Variants in PTPRN2 observed in about 807,000 individuals in gnomAD.
PTPRN2 encodes the protein protein tyrosine phosphatase receptor type N2.
PTPRN2 carries 74 observed loss-of-function variants against 118.8 expected under a neutral mutation model. The observed-to-expected ratio is 0.62, with a 90% CI of 0.52 to 0.76. The LOEUF (loss-of-function observed/expected upper bound fraction) is 0.76, where lower values mean the gene tolerates loss of function less well. PTPRN2 is among the 30% of genes least tolerant of loss of function. The pLI is 0.00. For missense variants in PTPRN2, 1,481 were observed against 1,394.4 expected, an observed-to-expected ratio of 1.06 and a Z score of -0.99; for synonymous variants, 641 against 608.0, an observed-to-expected ratio of 1.05 and a Z score of -0.80.
chr7:158,423,274 G>A (rs1815411992), intron 2 of PTPRN2, among the ~76,000 whole-genome samples: 1 of 152,242 alleles, frequency 6.6e-6, no homozygotes, highest in Admixed American at 6.5e-5. Context: ...GGCCAGACCT[G>A]AGCAGCACGG....
At chr7:158,337,323 C>A (rs1295101767) in intron 2 of PTPRN2, among the ~76,000 whole-genome samples, 1 of 149,676 alleles carries the variant, frequency 6.7e-6, no homozygotes, top group South Asian at 2.1e-4. Context: ...TCATTCACAC[C>A]CACACTGTCA....
intron 12 of PTPRN2, among the ~76,000 whole-genome samples, chr7:157,730,994 A>G (rs1799866147): frequency 6.6e-6 from 1 of 151,988 alleles, no homozygotes; most frequent in African/African-American, 2.4e-5. Flanking sequence ...TCCTGCTCTG[A>G]AGAGAAAATG....
In PTPRN2 at chr7:157,615,767, C is replaced by G. The variant is rs1202732190; in HGVS notation, c.2344+5595G>C. The stretch of plus-strand genomic sequence containing the variant: ...CTGGAGGCTGAACGAGAATCGGTTA[C>G]AGGAGATGAACACAAGGCTCGATTC... On this transcript the variant is annotated intron_variant, in intron 15 of 22. Coordinates refer to ENST00000389418, the MANE Select transcript of PTPRN2 (RefSeq NM_002847.5). The surrounding 1 kb of genome is among the most constrained non-coding windows in gnomAD (Gnocchi z 4.3). The G allele has an allele frequency of 1.3e-5, 5 of 379,254 alleles. No individual in the cohort carries two copies. In the East Asian group the frequency reaches 2.9e-4, roughly 22 times the overall value. 23.5% of individuals were successfully genotyped at this position (379,254 alleles called of 1,614,324 possible). A position where few individuals can be genotyped will look rare whatever the true frequency, so the allele number is the denominator to read the frequency against.
intron 7 of PTPRN2, 127 bp downstream of exon 7, chr7:158,138,167 T>C: frequency 1.2e-6 from 1 of 809,794 alleles, no homozygotes; most frequent in South Asian, 1.8e-5. Flanking sequence ...AAATCATTAA[T>C]ACAGATCCCC....
At chr7:158,049,575 C>T (rs1809169845) in intron 11 of PTPRN2, among the ~76,000 whole-genome samples, 1 of 152,174 alleles carries the variant, frequency 6.6e-6, no homozygotes, top group African/African-American at 2.4e-5. Flanking sequence ...ATGGCACCAG[C>T]CTCACAGCTG....
intron 9 of PTPRN2, among the ~76,000 whole-genome samples, chr7:158,119,117 A>G (rs908517490): frequency 1.3e-5 from 2 of 152,226 alleles, no homozygotes; most frequent in African/African-American, 4.8e-5. Context: ...TTACATCACT[A>G]TTTAAGAAAC....
At chr7:158,063,234 G>C (rs13311178) in intron 11 of PTPRN2, among the ~76,000 whole-genome samples, 2 of 151,966 alleles carry the variant, frequency 1.3e-5, no homozygotes, top group Admixed American at 1.3e-4. Context: ...GTCTAGCTAA[G>C]GGACTGTAAA....
chr7:157,814,809 T>A (rs1806289108), intron 12 of PTPRN2, among the ~76,000 whole-genome samples: 1 of 152,210 alleles, frequency 6.6e-6, no homozygotes, highest in South Asian at 2.1e-4. Context: ...TTGAATTGGC[T>A]TCTTGTCACA....
intron 2 of PTPRN2, among the ~76,000 whole-genome samples, chr7:158,366,491 A>C (rs1189460417): frequency 6.6e-6 from 1 of 152,232 alleles, no homozygotes; most frequent in Non-Finnish European, 1.5e-5. Context: ...GCTGCAGCAC[A>C]TGTGTAAGCT....
At chr7:158,558,531 A>T (rs1425861516) in intron 1 of PTPRN2, among the ~76,000 whole-genome samples, 2 of 152,134 alleles carry the variant, frequency 1.3e-5, no homozygotes, top group Non-Finnish European at 2.9e-5. Flanking sequence ...TGGCACCTGC[A>T]GAGCCCAGCG....
intron 17 of PTPRN2, among the ~76,000 whole-genome samples, chr7:157,581,204 G>A (rs113685769): frequency 1.1e-3 from 172 of 152,316 alleles, no homozygotes; most frequent in African/African-American, 4.0e-3. Context: ...TCCCTGGATC[G>A]AACCAAAGTC....
At chr7:157,980,678 C>G (rs1196993627) in intron 11 of PTPRN2, among the ~76,000 whole-genome samples, 1 of 152,132 alleles carries the variant, frequency 6.6e-6, no homozygotes, top group Non-Finnish European at 1.5e-5. Flanking sequence ...TTGAACCTGG[C>G]TGGGCGGAGG....
rs1255294133 is a variant in PTPRN2, at chr7:157,987,470, G to A, written c.1724-88733C>T. 2.6e-5 allele frequency among the ~76,000 whole-genome samples: 4 copies of A among 152,068 alleles called. No individual in the cohort carries two copies. The highest frequency in any genetic ancestry group is 6.5e-5 in the Admixed American group (1 of 15,270). On this transcript the variant is annotated intron_variant, in intron 11 of 22. Coordinates refer to ENST00000389418, the MANE Select transcript of PTPRN2 (RefSeq NM_002847.5). This position sits in a 1 kb window ranked among gnomAD's most constrained non-coding sequence, Gnocchi z 4.3. ...GGTCATTAATGGGGGCGTAGTGTCC[G>A]GTCACTAATAGGGTGTGATGACCTG...
intron 2 of PTPRN2, among the ~76,000 whole-genome samples, chr7:158,432,789 A>C (rs566963215): frequency 6.6e-6 from 1 of 152,284 alleles, no homozygotes; most frequent in East Asian, 1.9e-4. Context: ...AGAGCTTAAG[A>C]CAACCTCACC....
chr7:158,337,596 CACCCACACTCTCACCATA>C lies in PTPRN2; in HGVS notation c.164-20682_164-20665del, dbSNP rs1563168096. Among the ~76,000 whole-genome samples, 5 of 100,546 alleles carry C rather than the reference CACCCACACTCTCACCATA, an allele frequency of 5.0e-5. No individual in the cohort carries two copies. The East Asian group carries it at 1.5e-3, about 31-fold the overall frequency. The allele number at this position is 100,546 out of a possible 152,430, so 66.0% of individuals were successfully genotyped here. ...TGGTGACACCTGCAGACGTCACTCA[CACCCACACTCTCACCATA>C]AGAGGAGACACCTGCAGACGTCATT... On this transcript the variant is annotated intron_variant, in intron 2 of 22. Coordinates refer to ENST00000389418, the MANE Select transcript of PTPRN2 (RefSeq NM_002847.5).
chr7:158,027,075 C>G (rs1807328382), intron 11 of PTPRN2, among the ~76,000 whole-genome samples: 1 of 152,346 alleles, frequency 6.6e-6, no homozygotes, highest in East Asian at 1.9e-4. Context: ...GCTGACCAGG[C>G]AGGTCCGGGG....
intron 22 of PTPRN2, among the ~76,000 whole-genome samples, chr7:157,543,099 A>G (rs555311404): frequency 5.3e-5 from 8 of 152,278 alleles, no homozygotes; most frequent in Admixed American, 5.2e-4. Context: ...GATAACTTTT[A>G]TGATAGGAGT....
In PTPRN2 at chr7:158,073,935, A is replaced by C. The variant is rs374908768; in HGVS notation, c.1723+7363T>G. ...ACAGCCCAGCGGCATCTTCACCAGC[A>C]GACGCGGCTCCCCTGGGACTCCCCT... is the stretch of plus-strand genomic sequence containing the variant. On this transcript the variant is annotated intron_variant, in intron 11 of 22. Coordinates refer to ENST00000389418, the MANE Select transcript of PTPRN2 (RefSeq NM_002847.5). 4.6e-5 allele frequency among the ~76,000 whole-genome samples: 7 copies of C among 152,296 alleles called. No homozygotes were observed. In the East Asian group the frequency reaches 1.4e-3, roughly 29 times the overall value.
chr7:158,503,256 C>A (rs1289926668), intron 1 of PTPRN2, among the ~76,000 whole-genome samples: 1 of 152,250 alleles, frequency 6.6e-6, no homozygotes, highest in East Asian at 1.9e-4. Context: ...ACTCTCTTCT[C>A]ATCCATGTGT....
Sources: allele counts gnomAD v4.1 joint callset (sites outside exome capture counted in the v4.1 genomes callset), GRCh38; gene constraint gnomAD v4.1.1; non-coding constraint Gnocchi (gnomAD v3.1); transcripts MANE v1.5; gene names NCBI Gene and HGNC (gene_info 2026-07-23, HGNC 2026-07-21).